The following TRIP11 variants were observed in gnomAD, a reference collection of about 807,000 sequenced individuals.
TRIP11 encodes thyroid hormone receptor interactor 11.
Under a neutral mutation model 223.1 loss-of-function variants are expected in TRIP11, and 148 were observed. That is an observed-to-expected ratio of 0.66 (90% CI 0.58 to 0.76). TRIP11 has a LOEUF of 0.76. Ranked by LOEUF, TRIP11 falls within the 30% of genes least tolerant of loss-of-function variation. The probability of loss-of-function intolerance (pLI) is 0.00; values close to 1 mark genes in which losing one functional copy is unlikely to be tolerated. For missense variants in TRIP11, 2,043 were observed against 2,222.0 expected, an observed-to-expected ratio of 0.92 and a Z score of 1.62; for synonymous variants, 762 against 772.6, an observed-to-expected ratio of 0.99 and a Z score of 0.23.
chr14:91,999,875 GAGAAATTC>G (rs752088880), intron 12 of TRIP11, 85 bp downstream of exon 12: 88 of 1,535,662 alleles, frequency 5.7e-5, no homozygotes, highest in Non-Finnish European at 7.3e-5. Context: ...TCACCTAACA[GAGAAATTC>G]ATTTTCACTG....
Position 92,004,185 on chromosome 14 carries a change from T to C in TRIP11, c.3791A>G (p.Gln1264Arg). The change falls in exon 11 of 21, where the codon CAA becomes CGA. Residue 1264 changes from glutamine to arginine, a missense_variant. By Grantham distance (43) the Gln-to-Arg change is conservative (BLOSUM62 1). Coordinates refer to ENST00000267622, the MANE Select transcript of TRIP11 (RefSeq NM_004239.4). The stretch of plus-strand genomic sequence containing the variant: ...TTGGATCAGGCCAGTATAGTCCACT[T>C]GTAATTTAGAATTATTATCACTGTC... ...LVDSDNNSKL[Q>R]VDYTGLIQSY... is the part of the protein sequence containing the mutation. The C allele has an allele frequency of 1.2e-6, 2 of 1,614,192 alleles. No homozygotes were observed. Among genetic ancestry groups the C allele is most frequent in the Non-Finnish European group, 1.7e-6 (2 of 1,180,038 alleles).
intron 1 of TRIP11, among the ~76,000 whole-genome samples, chr14:92,036,503 T>C (rs1182607094): frequency 6.6e-6 from 1 of 152,204 alleles, no homozygotes; most frequent in Non-Finnish European, 1.5e-5. Context: ...CAACTTGTAA[T>C]GCACAAAAGC....
intron 13 of TRIP11, among the ~76,000 whole-genome samples, chr14:91,996,248 A>C (rs543856746): frequency 6.6e-6 from 1 of 152,360 alleles, no homozygotes; most frequent in African/African-American, 2.4e-5. Flanking sequence ...TAAATTTCAA[A>C]GAAACTTGAA....
chr14:92,014,562 A>G lies in TRIP11; in HGVS notation c.839T>C (p.Ile280Thr), dbSNP rs200199827. 102 of 1,603,256 alleles carry G rather than the reference A, an allele frequency of 6.4e-5. No homozygotes were observed. Among genetic ancestry groups the G allele is most frequent in the East Asian group, 1.3e-4 (6 of 44,726 alleles). Residue 280 changes from isoleucine (I) to threonine (T), a missense_variant, in exon 7 of 21, where the codon ATA becomes ACA. Ile to Thr is a moderately conservative substitution (Grantham distance 89, BLOSUM62 -1). Coordinates refer to ENST00000267622, the MANE Select transcript of TRIP11 (RefSeq NM_004239.4). ...NLLQQGGSGV[I>T]ETDLSKIYEM... ...ATAGATTTTAGAGAGATCAGTTTCTATAACTCCAGAGCCACCTAGAACATA... is the reference window on the plus strand; with the variant it reads ...ATAGATTTTAGAGAGATCAGTTTCTGTAACTCCAGAGCCACCTAGAACATA...
At chr14:91,994,533 C>T (rs762910305) in intron 14 of TRIP11, among the ~76,000 whole-genome samples, 7 of 152,112 alleles carry the variant, frequency 4.6e-5, no homozygotes, top group Admixed American at 6.5e-5. Flanking sequence ...CATGAGCCAC[C>T]GTGCCCGGCA....
chr14:92,003,714 T>G lies in TRIP11; in HGVS notation c.4262A>C (p.Asp1421Ala). The G allele has an allele frequency of 6.2e-7, 1 of 1,614,216 alleles. No homozygotes were observed. Among genetic ancestry groups the G allele is most frequent in the Non-Finnish European group, 8.5e-7 (1 of 1,180,028 alleles). Residue 1421 changes from aspartate to alanine, a missense_variant, in exon 11 of 21, where the codon GAT becomes GCT. Coordinates refer to ENST00000267622, the MANE Select transcript of TRIP11 (RefSeq NM_004239.4). ...EKDLLIKAKS[D>A]QLLSSNENFT... ...ATTTTCATTGGAAGAAAGTAGTTGA[T>G]CACTTTTGGCTTTGATTAAGAGGTC...
chr14:91,976,000 G>A (rs2056459195), intron 17 of TRIP11, 108 bp downstream of exon 17: 3 of 1,030,966 alleles, frequency 2.9e-6, no homozygotes, highest in Non-Finnish European at 4.3e-6. Flanking sequence ...GGGGAAAAAA[G>A]GCTTTTGAAA....
chr14:92,005,657 C>T lies in TRIP11; in HGVS notation c.2319G>A (p.Met773Ile). The change falls in exon 11 of 21, where the codon ATG (methionine) becomes ATA (isoleucine). Residue 773 changes from methionine (M) to isoleucine (I), a missense_variant. Coordinates refer to ENST00000267622, the MANE Select transcript of TRIP11 (RefSeq NM_004239.4). ...TATTCTTTTTGAGTTCTGCTATTTC[C>T]ATGTCTTTCTTTTGATTGAGTTTAA... ...HLIKLNQKKD[M>I]EIAELKKNIE... is the part of the protein sequence containing the mutation. 6.2e-7 allele frequency: 1 copy of T among 1,613,616 alleles called. No individual in the cohort carries two copies. Among genetic ancestry groups the T allele is most frequent in the East Asian group, 2.2e-5 (1 of 44,858 alleles).
chr14:91,991,705 G>A (rs145336604), intron 15 of TRIP11, among the ~76,000 whole-genome samples: 1 of 152,104 alleles, frequency 6.6e-6, no homozygotes, highest in Non-Finnish European at 1.5e-5. Context: ...AATGCATACA[G>A]AAGTGAAAAT....
chr14:92,011,155 T>A, intron 8 of TRIP11, 83 bp from the exon 9 acceptor site: 1 of 1,222,400 alleles, frequency 8.2e-7, no homozygotes, highest in Non-Finnish European at 1.2e-6. Flanking sequence ...CAATTGTGTG[T>A]TTCTATTCAG....
chr14:91,983,053 C>T (rs1207826777), intron 16 of TRIP11, among the ~76,000 whole-genome samples: 1 of 152,240 alleles, frequency 6.6e-6, no homozygotes, highest in East Asian at 1.9e-4. Flanking sequence ...CCCCAACTTT[C>T]TGCCTTCTTA....
At chr14:92,035,566 TTTA>T (rs2057315409) in intron 1 of TRIP11, among the ~76,000 whole-genome samples, 1 of 128,268 alleles carries the variant, frequency 7.8e-6, no homozygotes, top group Non-Finnish European at 1.7e-5. Flanking sequence ...AACCTCATTT[TTTA>T]TTTATTTATT....
At chr14:91,986,079 C>A (rs1441719811) in intron 16 of TRIP11, among the ~76,000 whole-genome samples, 4 of 152,194 alleles carry the variant, frequency 2.6e-5, no homozygotes, top group African/African-American at 9.7e-5. Flanking sequence ...TGGCCTCTTG[C>A]CTGCCCTTTC....
At position 92,000,397 on chromosome 14, in the gene TRIP11, G is replaced by C. The variant is rs182701759; in HGVS notation, c.4558-289C>G. ...ATAAAGCGGTATCCTGCCGGTACAG[G>C]AAAAGGACATTTAGTAAACATTAAG... On this transcript the variant is annotated intron_variant, in intron 11 of 20. Coordinates refer to ENST00000267622, the MANE Select transcript of TRIP11 (RefSeq NM_004239.4). Among the ~76,000 whole-genome samples, 14 of 152,272 alleles carry C rather than the reference G, an allele frequency of 9.2e-5. No homozygotes were observed. In the East Asian group the frequency reaches 2.7e-3, roughly 29 times the overall value.
rs200118050 is a variant in TRIP11, at chr14:91,995,449, A to G, written c.4959T>C (p.Asp1653=). Residue 1653 remains aspartate, a synonymous_variant, in exon 14 of 21, where the codon GAT becomes GAC. Transcript: ENST00000267622. The part of the protein sequence containing the change: ...EQLNVVSKQR[D]ETALQLSVSQ... Reference sequence around the variant, plus strand: ...AGACAGAAAGCTGCAGCGCAGTTTCATCCCTTTGCTTGGAAACTACATTCA... The same window carrying G: ...AGACAGAAAGCTGCAGCGCAGTTTCGTCCCTTTGCTTGGAAACTACATTCA... The G allele has an allele frequency of 1.2e-6, 2 of 1,614,132 alleles. No individual in the cohort carries two copies. Among genetic ancestry groups the G allele is most frequent in the Admixed American group, 3.3e-5 (2 of 60,010 alleles).
chr14:91,997,389 G>A (rs185506000), intron 13 of TRIP11, among the ~76,000 whole-genome samples: 34 of 152,210 alleles, frequency 2.2e-4, no homozygotes, highest in Admixed American at 1.1e-3. Flanking sequence ...TTCATTGGGT[G>A]GGAGGCAGTA....
In TRIP11 at chr14:92,040,050, G is replaced by C. The variant is rs74071824; in HGVS notation, c.-365C>G. 2,557 of 418,890 alleles carry C rather than the reference G, an allele frequency of 6.1e-3. 37 individuals carry two copies. The highest frequency in any genetic ancestry group is 0.046 in the African/African-American group (2,322 of 50,544). 25.9% of individuals were successfully genotyped at this position (418,890 alleles called of 1,614,324 possible). A position where few individuals can be genotyped will look rare whatever the true frequency, so the allele number is the denominator to read the frequency against. On this transcript the variant is annotated 5_prime_UTR_variant, in exon 1 of 21. Coordinates refer to ENST00000267622, the MANE Select transcript of TRIP11 (RefSeq NM_004239.4). Reference sequence around the variant, plus strand: ...CGCCATGACACTCGCTCGGAAAGCGGCAGCGGATCATAGAAAAGCGCCGCG... The same window carrying C: ...CGCCATGACACTCGCTCGGAAAGCGCCAGCGGATCATAGAAAAGCGCCGCG...
chr14:91,995,296 C>T, intron 14 of TRIP11, 56 bp downstream of exon 14: 1 of 1,606,546 alleles, frequency 6.2e-7, no homozygotes, highest in Non-Finnish European at 8.5e-7. Context: ...TCAAATTAGG[C>T]AAAATTACCA....
chr14:92,025,161 G>C, intron 3 of TRIP11, 149 bp downstream of exon 3: 1 of 639,550 alleles, frequency 1.6e-6, no homozygotes, highest in East Asian at 2.8e-5. Flanking sequence ...ATTAAATAAG[G>C]GATATCAAAC....
Sources: gnomAD v4.1 joint callset for allele counts (sites outside exome capture counted in the v4.1 genomes callset) on GRCh38, gnomAD v4.1.1 for gene constraint, MANE v1.5 for transcripts, NCBI Gene and HGNC (gene_info 2026-07-23, HGNC 2026-07-21) for gene names.